The following SYDE1 variants were observed in gnomAD, a reference collection of about 807,000 sequenced individuals.
SYDE1 encodes synapse defective Rho GTPase activating protein 1.
SYDE1 carries 34 observed loss-of-function variants against 63.3 expected under a neutral mutation model. The ratio of observed to expected loss-of-function variants is 0.54; its 90% CI spans 0.41 to 0.71. The LOEUF is 0.71. Among genes scored for constraint, SYDE1 ranks in the 30% least tolerant of loss-of-function variants. The pLI is 0.00. For synonymous variants in SYDE1, 467 were observed against 473.4 expected (o/e 0.99, Z 0.18); for missense variants, 925 against 1,042.5 (o/e 0.89, Z 1.55).
Position 15,110,591 on chromosome 19 carries a change from G to A in SYDE1, c.1146G>A (p.Ser382=), listed in dbSNP as rs78719569. 2.3e-4 allele frequency: 361 copies of A among 1,595,092 alleles called. 1 individual carries two copies. In the East Asian group the frequency reaches 6.8e-3, roughly 30 times the overall value. ...TGCTGTATGCCAAGCTGACCCTGTCGGAGCAGCAGGAAGCCCCTGCCACAG... is the reference window on the plus strand; with the variant it reads ...TGCTGTATGCCAAGCTGACCCTGTCAGAGCAGCAGGAAGCCCCTGCCACAG... ...QGLLYAKLTL[S]EQQEAPATAE... is the part of the protein sequence containing the mutation. Residue 382 remains serine, a synonymous_variant, in exon 4 of 8, where the codon TCG becomes TCA. Transcript: ENST00000342784. This position sits in a 1 kb window ranked among gnomAD's most constrained non-coding sequence, Gnocchi z 6.9.
Position 15,109,436 on chromosome 19 carries a change from A to G in SYDE1, c.430+39A>G. On this transcript the variant is annotated intron_variant, in intron 2 of 7. Transcript: ENST00000342784. This position sits in a 1 kb window ranked among gnomAD's most constrained non-coding sequence, Gnocchi z 5.0. Reference sequence around the variant, plus strand: ...TCCCATCCCCTTCCCCAAGGTGAGCACCAGCTCCACATCCCTTCCCTTCAG... The same window carrying G: ...TCCCATCCCCTTCCCCAAGGTGAGCGCCAGCTCCACATCCCTTCCCTTCAG... 1 of 1,498,156 alleles carries G rather than the reference A, an allele frequency of 6.7e-7. No homozygotes were observed. Among genetic ancestry groups the G allele is most frequent in the Admixed American group, 2.4e-5 (1 of 41,574 alleles). The allele number at this position is 1,498,156 out of a possible 1,614,324, so 92.8% of individuals were successfully genotyped here. A position where few individuals can be genotyped will look rare whatever the true frequency, so the allele number is the denominator to read the frequency against.
At chr19:15,107,622 A>G (rs1382258187) in intron 1 of SYDE1, 101 bp downstream of exon 1, 18 of 618,038 alleles carry the variant, frequency 2.9e-5, no homozygotes, top group Middle Eastern at 4.1e-4. Flanking sequence ...GATCAGGGGG[A>G]GCCCCCCGCA....
Position 15,109,889 on chromosome 19 carries a change from C to T in SYDE1, c.616C>T (p.Leu206=). 4 of 1,509,868 alleles carry T rather than the reference C, an allele frequency of 2.6e-6. No individual in the cohort carries two copies. Among genetic ancestry groups the T allele is most frequent in the South Asian group, 1.2e-5 (1 of 82,074 alleles). The allele number at this position is 1,509,868 out of a possible 1,614,324, so 93.5% of individuals were successfully genotyped here. ...GGGCTCCGTCATCAGCCGCTACCAC[C>T]TGGACAGCAGCGTGGGGGGCCCCGG... ...PAGSVISRYH[L]DSSVGGPGPA... The change falls in exon 3 of 8, where the codon CTG becomes TTG. Residue 206 remains leucine, a synonymous_variant. Transcript: ENST00000342784. The surrounding 1 kb of genome is among the most constrained non-coding windows in gnomAD (Gnocchi z 5.0).
Position 15,109,996 on chromosome 19 carries a change from GC to G in SYDE1, c.728del (p.Pro243HisfsTer98). ...GGGACTCACCGGAGCGCCCAGCTGG[GC>G]CCCCATCACCCACCTCCTTCCGGCC... The part of the protein sequence containing the change: ...DGDSPERPAG[P>X]PSPTSFRPYE... On this transcript the variant is annotated frameshift_variant, in exon 3 of 8. Coordinates refer to ENST00000342784, the MANE Select transcript of SYDE1 (RefSeq NM_033025.6). LOFTEE classifies it high-confidence loss of function. This position sits in a 1 kb window ranked among gnomAD's most constrained non-coding sequence, Gnocchi z 5.0. The G allele has an allele frequency of 6.7e-7, 1 of 1,494,332 alleles. No individual in the cohort carries two copies. The highest frequency in any genetic ancestry group is 8.8e-7 in the Non-Finnish European group (1 of 1,130,400). 92.6% of individuals were successfully genotyped at this position (1,494,332 alleles called of 1,614,324 possible).
Position 15,109,470 on chromosome 19 carries a change from C to T in SYDE1, c.430+73C>T. 1.4e-6 allele frequency: 2 copies of T among 1,439,260 alleles called. No homozygotes were observed. Among genetic ancestry groups the T allele is most frequent in the South Asian group, 2.9e-5 (2 of 68,342 alleles). 89.2% of individuals were successfully genotyped at this position (1,439,260 alleles called of 1,614,324 possible). A position where few individuals can be genotyped will look rare whatever the true frequency, so the allele number is the denominator to read the frequency against. ...ACATCCCTTCCCTTCAGGGTAGCAC[C>T]AGCCTCACACTCCCTCCTCCCAGAG... On this transcript the variant is annotated intron_variant, in intron 2 of 7. Coordinates refer to ENST00000342784, the MANE Select transcript of SYDE1 (RefSeq NM_033025.6). The surrounding 1 kb of genome is among the most constrained non-coding windows in gnomAD (Gnocchi z 5.0).
Position 15,113,956 on chromosome 19 carries a change from G to T in SYDE1, c.2201G>T (p.Cys734Phe), listed in dbSNP as rs909363478. ...GAGCTCTCCAAGCAAATCAACGTGT[G>T]CCTCTGAGCCAGATGACGGGGTGGG... is the stretch of plus-strand genomic sequence containing the variant. ...ERELSKQINVCL is the reference protein window; with the variant it reads ...ERELSKQINVFL Residue 734 changes from cysteine (C) to phenylalanine (F), a missense_variant, in exon 8 of 8, where the codon TGC becomes TTC. Physicochemically the swap from Cys to Phe is radical, Grantham distance 205. Coordinates refer to ENST00000342784, the MANE Select transcript of SYDE1 (RefSeq NM_033025.6). 9 of 1,609,932 alleles carry T rather than the reference G, an allele frequency of 5.6e-6. No individual in the cohort carries two copies. The highest frequency in any genetic ancestry group is 7.6e-6 in the Non-Finnish European group (9 of 1,176,968).
chr19:15,112,523 T>G lies in SYDE1; in HGVS notation c.1756T>G (p.Phe586Val), dbSNP rs1427322414. The G allele has an allele frequency of 1.9e-6, 3 of 1,605,556 alleles. No homozygotes were observed. The highest frequency in any genetic ancestry group is 2.2e-5 in the South Asian group (2 of 89,312). The part of the protein sequence containing the change: ...SGPGLASAVD[F>V]KHHIEVLHYL... ...CCCAGGCCTTGCCAGTGCAGTGGAC[T>G]TCAAGCACCACATCGAGGTGCTGCA... Residue 586 changes from phenylalanine (F) to valine (V), a missense_variant, in exon 7 of 8, where the codon TTC (phenylalanine) becomes GTC (valine). By Grantham distance (50) the Phe-to-Val change is conservative (BLOSUM62 -1). Around this residue, in one of 3 missense-constraint regions of SYDE1, gnomAD observed 255 missense variants for 255.9 expected, o/e 1.00. Transcript: ENST00000342784.
chr19:15,112,319 A>G (rs1370489134), intron 6 of SYDE1, 27 bp from the exon 7 acceptor site: 2 of 1,516,936 alleles, frequency 1.3e-6, no homozygotes, highest in Non-Finnish European at 8.9e-7. Flanking sequence ...ACTTTGTCTG[A>G]CTTACATCCT....
chr19:15,110,521 G>T lies in SYDE1; in HGVS notation c.1076G>T (p.Gly359Val), dbSNP rs947403267. 6.3e-7 allele frequency: 1 copy of T among 1,577,500 alleles called. No homozygotes were observed. ...GGCTCAGGCCCCCTTGTGTCCTCAG[G>T]GTGCCAGGCCCAACAGCTGGCCGTG... ...GTVLLPTVFR[G>V]CQAQQLAVRL... The change falls in exon 4 of 8, where the codon GGG becomes GTG. Residue 359 changes from glycine (G) to valine (V), a missense_variant and splice_region_variant. Transcript: ENST00000342784. This position sits in a 1 kb window ranked among gnomAD's most constrained non-coding sequence, Gnocchi z 6.9.
rs1464139569 is a variant in SYDE1 at position 15,110,165 on chromosome 19, G to A, written c.892G>A (p.Glu298Lys). 9.2e-6 allele frequency: 13 copies of A among 1,406,636 alleles called. No individual in the cohort carries two copies. Among genetic ancestry groups the A allele is most frequent in the Non-Finnish European group, 1.1e-5 (12 of 1,084,520 alleles). 87.1% of individuals were successfully genotyped at this position (1,406,636 alleles called of 1,614,324 possible). Reference sequence around the variant, plus strand: ...CTGCTGCCTACTGCAAGTGGATGGGGAGGCCAGGGCCCGAACAGGGCCACT... The same window carrying A: ...CTGCTGCCTACTGCAAGTGGATGGGAAGGCCAGGGCCCGAACAGGGCCACT... ...DLCCLLQVDGEARARTGPLRG... is the reference protein window; with the variant it reads ...DLCCLLQVDGKARARTGPLRG... The change falls in exon 3 of 8, where the codon GAG (glutamate) becomes AAG (lysine). Residue 298 changes from glutamate (E) to lysine (K), a missense_variant. Physicochemically the swap from Glu to Lys is moderately conservative, Grantham distance 56. Around this residue, in one of 3 missense-constraint regions of SYDE1, gnomAD observed 599 missense variants for 653.7 expected, o/e 0.92. Transcript: ENST00000342784. The surrounding 1 kb of genome is among the most constrained non-coding windows in gnomAD (Gnocchi z 6.9).
chr19:15,110,193 G>C lies in SYDE1; in HGVS notation c.920G>C (p.Arg307Pro). ...GCCAGGGCCCGAACAGGGCCACTGC[G>C]AGGGGGGCCGGACTTCCTGCGGCTG... Reference protein sequence around the residue: ...GEARARTGPLRGGPDFLRLDH... With the variant: ...GEARARTGPLPGGPDFLRLDH... Residue 307 changes from arginine (R) to proline (P), a missense_variant, in exon 3 of 8, where the codon CGA becomes CCA. This residue lies in a region of SYDE1 where 599 missense variants were observed against 653.7 expected (regional missense o/e 0.92). Transcript: ENST00000342784. The surrounding 1 kb of genome is among the most constrained non-coding windows in gnomAD (Gnocchi z 6.9). The C allele has an allele frequency of 7.1e-7, 1 of 1,414,610 alleles. No homozygotes were observed. Among genetic ancestry groups the C allele is most frequent in the South Asian group, 1.6e-5 (1 of 63,212 alleles). 87.6% of individuals were successfully genotyped at this position (1,414,610 alleles called of 1,614,324 possible).
intron 6 of SYDE1, among the ~76,000 whole-genome samples, chr19:15,112,067 A>G (rs962094425): frequency 9.2e-5 from 14 of 152,198 alleles, no homozygotes; most frequent in African/African-American, 2.9e-4. Flanking sequence ...GGGAACCTAG[A>G]CAAGTCCCAT....
chr19:15,111,739 C>T lies in SYDE1; in HGVS notation c.1525C>T (p.Pro509Ser). ...MARDPPNRVP[P>S]TTEGTRGLLS... is the part of the protein sequence containing the mutation. ...CCGGGACCCCCCAAACAGAGTTCCC[C>T]CCACCACTGAGGGCACCCGAGGGCT... Residue 509 changes from proline (P) to serine (S), a missense_variant, in exon 6 of 8, where the codon CCC becomes TCC. Physicochemically the swap from Pro to Ser is moderately conservative, Grantham distance 74 (BLOSUM62 -1). Transcript: ENST00000342784. The surrounding 1 kb of genome is among the most constrained non-coding windows in gnomAD (Gnocchi z 5.5). 1 of 1,609,824 alleles carries T rather than the reference C, an allele frequency of 6.2e-7. No individual in the cohort carries two copies. Among genetic ancestry groups the T allele is most frequent in the Non-Finnish European group, 8.5e-7 (1 of 1,178,040 alleles).
At position 15,108,838 on chromosome 19, in the gene SYDE1, G is replaced by C. The variant is rs894986419; in HGVS notation, c.89-218G>C. 3.3e-6 allele frequency: 2 copies of C among 597,496 alleles called. No homozygotes were observed. Among genetic ancestry groups the C allele is most frequent in the Non-Finnish European group, 5.1e-6 (2 of 393,486 alleles). The allele number at this position is 597,496 out of a possible 1,614,324, so 37.0% of individuals were successfully genotyped here. ...GCTGCAGGGATGGAGTCCCCTTTTGGGATGCCAGGGACTGAGTAGGGGGTG... is the reference window on the plus strand; with the variant it reads ...GCTGCAGGGATGGAGTCCCCTTTTGCGATGCCAGGGACTGAGTAGGGGGTG... On this transcript the variant is annotated intron_variant, in intron 1 of 7. Transcript: ENST00000342784. This position sits in a 1 kb window ranked among gnomAD's most constrained non-coding sequence, Gnocchi z 4.3.
chr19:15,107,468 G>A lies in SYDE1; in HGVS notation c.35G>A (p.Arg12His). ...AEPLLRKTFS[R>H]LRGREKLPRK... ...CCGCTACTCAGGAAAACCTTCTCCC[G>A]CCTGCGGGGCCGGGAGAAACTTCCC... The change falls in exon 1 of 8, where the codon CGC (arginine) becomes CAC (histidine). Residue 12 changes from arginine (R) to histidine (H), a missense_variant. Arg to His is a conservative substitution (Grantham distance 29). This residue lies in a region of SYDE1 where 599 missense variants were observed against 653.7 expected (regional missense o/e 0.92). Coordinates refer to ENST00000342784, the MANE Select transcript of SYDE1 (RefSeq NM_033025.6). The A allele has an allele frequency of 6.5e-7, 1 of 1,527,858 alleles. No individual in the cohort carries two copies. 94.6% of individuals were successfully genotyped at this position (1,527,858 alleles called of 1,614,324 possible).
Position 15,112,466 on chromosome 19 carries a change from G to T in SYDE1, c.1699G>T (p.Ala567Ser). ...GCCTGTGCTGCTGCCGGCACGCCAGGCGCCCACAAGGCCTCGTGCCCGCAG... is the reference window on the plus strand; with the variant it reads ...GCCTGTGCTGCTGCCGGCACGCCAGTCGCCCACAAGGCCTCGTGCCCGCAG... ...FGPVLLPARQ[A>S]PTRPRARSSG... The change falls in exon 7 of 8, where the codon GCG becomes TCG. Residue 567 changes from alanine to serine, a missense_variant. This residue lies in a region of SYDE1 where 255 missense variants were observed against 255.9 expected (regional missense o/e 1.00). Coordinates refer to ENST00000342784, the MANE Select transcript of SYDE1 (RefSeq NM_033025.6). 1 of 1,605,958 alleles carries T rather than the reference G, an allele frequency of 6.2e-7. No homozygotes were observed. The highest frequency in any genetic ancestry group is 1.1e-5 in the South Asian group (1 of 89,358).
chr19:15,109,290 G>A lies in SYDE1; in HGVS notation c.323G>A (p.Gly108Asp). The change falls in exon 2 of 8, where the codon GGC becomes GAC. Residue 108 changes from glycine (G) to aspartate (D), a missense_variant. Gly to Asp is a moderately conservative substitution (Grantham distance 94, BLOSUM62 -1). This residue lies in a region of SYDE1 where 599 missense variants were observed against 653.7 expected (regional missense o/e 0.92). Coordinates refer to ENST00000342784, the MANE Select transcript of SYDE1 (RefSeq NM_033025.6). The surrounding 1 kb of genome is among the most constrained non-coding windows in gnomAD (Gnocchi z 5.0). ...GTACCTGGCACTGGGGAGCCCGCCG[G>A]CGAGATCTGGTACAACCCCATCCCT... ...PGVPGTGEPA[G>D]EIWYNPIPEE... The A allele has an allele frequency of 6.2e-7, 1 of 1,613,496 alleles. No homozygotes were observed. The highest frequency in any genetic ancestry group is 1.7e-5 in the Admixed American group (1 of 59,934).
chr19:15,114,056 C>A lies in SYDE1; in HGVS notation c.*93C>A. 1.5e-6 allele frequency: 2 copies of A among 1,334,394 alleles called. No individual in the cohort carries two copies. The highest frequency in any genetic ancestry group is 1.0e-6 in the Non-Finnish European group (1 of 971,496). The allele number at this position is 1,334,394 out of a possible 1,614,324, so 82.7% of individuals were successfully genotyped here. A position where few individuals can be genotyped will look rare whatever the true frequency, so the allele number is the denominator to read the frequency against. Reference sequence around the variant, plus strand: ...TGACCAAGGAGAGCCAGACCTGTTGCTCAGGCCGAGCTCCTGGTTGCCAGC... The same window carrying A: ...TGACCAAGGAGAGCCAGACCTGTTGATCAGGCCGAGCTCCTGGTTGCCAGC... On this transcript the variant is annotated 3_prime_UTR_variant, in exon 8 of 8. Transcript: ENST00000342784.
In SYDE1 at chr19:15,109,553, C is replaced by G; in HGVS notation, c.431-151C>G. The G allele has an allele frequency of 2.0e-6, 2 of 996,168 alleles. No homozygotes were observed. Among genetic ancestry groups the G allele is most frequent in the Non-Finnish European group, 2.9e-6 (2 of 695,530 alleles). 61.7% of individuals were successfully genotyped at this position (996,168 alleles called of 1,614,324 possible). Reference sequence around the variant, plus strand: ...GAGCACCAGCCTCACATCCCCACCCCGTCAGATGCTCCCAGAGGAGCATCA... The same window carrying G: ...GAGCACCAGCCTCACATCCCCACCCGGTCAGATGCTCCCAGAGGAGCATCA... On this transcript the variant is annotated intron_variant, in intron 2 of 7. Coordinates refer to ENST00000342784, the MANE Select transcript of SYDE1 (RefSeq NM_033025.6). The surrounding 1 kb of genome is among the most constrained non-coding windows in gnomAD (Gnocchi z 5.0).
Sources: gnomAD v4.1 joint callset for allele counts (sites outside exome capture counted in the v4.1 genomes callset) on GRCh38, gnomAD v4.1.1 for gene constraint, gnomAD v4.1.1 regional missense constraint, Gnocchi (gnomAD v3.1) non-coding constraint, MANE v1.5 for transcripts, NCBI Gene and HGNC (gene_info 2026-07-23, HGNC 2026-07-21) for gene names.